The following DIP2B variants were observed in gnomAD, a reference collection of about 807,000 sequenced individuals.
The protein encoded by DIP2B is DIP2 acetate--CoA ligase B (putative), also known as disco-interacting protein 2 homolog B.
DIP2B carries 76 observed loss-of-function variants against 198.0 expected under a neutral mutation model. That is an observed-to-expected ratio of 0.38 (90% CI 0.32 to 0.46). DIP2B has a LOEUF of 0.46. Among genes scored for constraint, DIP2B ranks in the 20% least tolerant of loss-of-function variants. The pLI, the probability that DIP2B is intolerant of heterozygous loss-of-function variation, is 0.99. For synonymous variants in DIP2B, 701 were observed against 739.1 expected (o/e 0.95, Z 0.84); for missense variants, 1,559 against 1,978.4 (o/e 0.79, Z 4.02).
At chr12:50,661,427 T>G (rs181857043) in intron 4 of DIP2B, among the ~76,000 whole-genome samples, 1 of 152,298 alleles carries the variant, frequency 6.6e-6, no homozygotes, top group East Asian at 1.9e-4. Flanking sequence ...TTCTTCTCGG[T>G]TTTGGCTAAC....
chr12:50,653,767 G>A (rs1022091601), intron 3 of DIP2B, among the ~76,000 whole-genome samples: 15 of 150,662 alleles, frequency 1.0e-4, no homozygotes, highest in African/African-American at 3.7e-4. Context: ...TGTCAATTTT[G>A]TTGATCTTTT....
intron 1 of DIP2B, among the ~76,000 whole-genome samples, chr12:50,519,706 T>G (rs1958098193): frequency 6.6e-6 from 1 of 152,118 alleles, no homozygotes; most frequent in African/African-American, 2.4e-5. Flanking sequence ...GTTTTTAGTC[T>G]TTTTTCCCCC....
At chr12:50,602,279 T>A (rs1289935446) in intron 1 of DIP2B, among the ~76,000 whole-genome samples, 1 of 151,994 alleles carries the variant, frequency 6.6e-6, no homozygotes, top group East Asian at 1.9e-4. Flanking sequence ...CTAAATTAAT[T>A]TTTTTTTGAG....
intron 23 of DIP2B, among the ~76,000 whole-genome samples, chr12:50,717,594 C>G (rs1939752813): frequency 1.3e-5 from 2 of 151,430 alleles, no homozygotes; most frequent in African/African-American, 4.9e-5. Flanking sequence ...GTCTCGGTCT[C>G]CTGACCTTGT....
At chr12:50,656,575 T>A (rs1301119043) in intron 3 of DIP2B, among the ~76,000 whole-genome samples, 1 of 152,186 alleles carries the variant, frequency 6.6e-6, no homozygotes, top group East Asian at 1.9e-4. Flanking sequence ...CTTTTTTTCT[T>A]TCTTTTTTTC....
intron 1 of DIP2B, among the ~76,000 whole-genome samples, chr12:50,588,813 C>T (rs1958792949): frequency 6.6e-6 from 1 of 152,136 alleles, no homozygotes; most frequent in Non-Finnish European, 1.5e-5. Flanking sequence ...AGAGAAAAAT[C>T]TCTTAATTTC....
In DIP2B at chr12:50,627,122, C is replaced by G. The variant is rs534824739; in HGVS notation, c.172+1075C>G. 1.8e-3 allele frequency among the ~76,000 whole-genome samples: 273 copies of G among 152,274 alleles called. 1 individual carries two copies. Among genetic ancestry groups the G allele is most frequent in the Non-Finnish European group, 2.9e-3 (199 of 68,024 alleles). ...AAAAGCCAGCTTTTGCTGAGCAAGG[C>G]ATGACCTAGGGGTTGAGGAGGTTAC... is the stretch of plus-strand genomic sequence containing the variant. On this transcript the variant is annotated intron_variant, in intron 2 of 37. Coordinates refer to ENST00000301180, the MANE Select transcript of DIP2B (RefSeq NM_173602.3).
chr12:50,705,784 G>A (rs1257043104), intron 20 of DIP2B, among the ~76,000 whole-genome samples: 1 of 152,184 alleles, frequency 6.6e-6, no homozygotes, highest in East Asian at 1.9e-4. Context: ...TGTCTTACAT[G>A]GCCCAGTCAC....
chr12:50,692,199 A>T (rs1400542393), intron 13 of DIP2B, among the ~76,000 whole-genome samples: 1 of 152,164 alleles, frequency 6.6e-6, no homozygotes, highest in African/African-American at 2.4e-5. Flanking sequence ...CAAGCTTTGT[A>T]TACCAGTTTG....
chr12:50,526,298 C>T (rs941539190), intron 1 of DIP2B, among the ~76,000 whole-genome samples: 1 of 152,162 alleles, frequency 6.6e-6, no homozygotes, highest in African/African-American at 2.4e-5. Flanking sequence ...CCCTCAGGGG[C>T]CTATGTGTTT....
intron 1 of DIP2B, among the ~76,000 whole-genome samples, chr12:50,539,299 C>G (rs1487951094): frequency 6.7e-6 from 1 of 148,946 alleles, no homozygotes. Context: ...GGCACTATCT[C>G]TTATGGAATA....
chr12:50,724,937 C>G, intron 28 of DIP2B, 51 bp downstream of exon 28: 1 of 1,520,942 alleles, frequency 6.6e-7, no homozygotes, highest in Non-Finnish European at 9.1e-7. Context: ...CTCACAATAC[C>G]TGAGATCTCC....
intron 1 of DIP2B, among the ~76,000 whole-genome samples, chr12:50,577,543 AAAAAT>A (rs1248576368): frequency 2.0e-5 from 3 of 151,680 alleles, no homozygotes; most frequent in African/African-American, 7.3e-5. Flanking sequence ...AAAAAATAAA[AAAAAT>A]AAAAAAAAGT....
rs368156131 is a variant in DIP2B, at chr12:50,665,658, G to C, written c.427+5339G>C. 4.6e-5 allele frequency among the ~76,000 whole-genome samples: 7 copies of C among 152,006 alleles called. No individual in the cohort carries two copies. The East Asian group carries it at 1.2e-3, about 25-fold the overall frequency. On this transcript the variant is annotated intron_variant, in intron 4 of 37. Transcript: ENST00000301180. ...AAATTAGCTGGGTATGGTAGTGTGT[G>C]CCTGTGGTTGTAGCCACTCAGGAGG...
chr12:50,697,508 A>ATG (rs1207421748), intron 17 of DIP2B, among the ~76,000 whole-genome samples: 25 of 139,398 alleles, frequency 1.8e-4, no homozygotes, highest in African/African-American at 4.9e-4. Flanking sequence ...GTATCAGTGA[A>ATG]TGTGTGTGTG....
At chr12:50,733,196 G>A (rs1357158767) in intron 32 of DIP2B, among the ~76,000 whole-genome samples, 3 of 150,892 alleles carry the variant, frequency 2.0e-5, no homozygotes, top group South Asian at 2.1e-4. Flanking sequence ...ATGAGCCACC[G>A]CGCCCGGTCT....
chr12:50,510,014 G>C (rs1473575075), intron 1 of DIP2B, among the ~76,000 whole-genome samples: 1 of 152,178 alleles, frequency 6.6e-6, no homozygotes, highest in Non-Finnish European at 1.5e-5. Context: ...TACTGTCAGA[G>C]CCTGTGACAC....
At chr12:50,648,276 AGGTT>A (rs1040009405) in intron 3 of DIP2B, among the ~76,000 whole-genome samples, 1 of 152,158 alleles carries the variant, frequency 6.6e-6, no homozygotes, top group Non-Finnish European at 1.5e-5. Context: ...GTTACTAATG[AGGTT>A]GGACATTTGG....
chr12:50,614,591 C>G (rs1937660434), intron 1 of DIP2B, among the ~76,000 whole-genome samples: 1 of 152,172 alleles, frequency 6.6e-6, no homozygotes, highest in South Asian at 2.1e-4. Context: ...TGAGCTAAAG[C>G]AGTCTTAGAG....
Sources: gnomAD v4.1 joint callset for allele counts (sites outside exome capture counted in the v4.1 genomes callset) on GRCh38, gnomAD v4.1.1 for gene constraint, MANE v1.5 for transcripts, NCBI Gene and HGNC (gene_info 2026-07-23, HGNC 2026-07-21) for gene names.